CNTN6: variants seen among roughly 807,000 people sequenced by gnomAD.
CNTN6 encodes the protein contactin 6, also known as contactin-6.
A neutral mutation model predicts 122.8 loss-of-function variants in CNTN6; 137 were observed. The observed-to-expected ratio is 1.12, with a 90% CI of 0.97 to 1.29. CNTN6 has a LOEUF of 1.29. CNTN6 is among the 50% of genes most tolerant of loss of function. The pLI is 0.00. For missense variants in CNTN6, 1,634 were observed against 1,223.4 expected (o/e 1.34, Z -5.01); for synonymous variants, 570 against 426.0 (o/e 1.34, Z -4.16).
rs772031522 is a variant in CNTN6, at chr3:1,385,610, G to A, written c.2518-1G>A. The A allele has an allele frequency of 2.0e-5, 32 of 1,597,382 alleles. No individual in the cohort carries two copies. The Admixed American group carries it at 5.4e-4, about 27-fold the overall frequency. ...TGCTTGTTTTGGTTTTTAATTATCAGGTCTTATACTGGACAGATGACTCCA... is the reference window on the plus strand; with the variant it reads ...TGCTTGTTTTGGTTTTTAATTATCAAGTCTTATACTGGACAGATGACTCCA... On this transcript the variant is annotated splice_acceptor_variant, in intron 19 of 22. Transcript: ENST00000446702. LOFTEE classifies it high-confidence loss of function.
At chr3:1,329,115 ATGTG>A (rs529330536) in intron 10 of CNTN6, among the ~76,000 whole-genome samples, 2 of 151,224 alleles carry the variant, frequency 1.3e-5, no homozygotes, top group South Asian at 2.1e-4. Context: ...ATATATGTAT[ATGTG>A]TGTGTGTTTC....
intron 11 of CNTN6, among the ~76,000 whole-genome samples, chr3:1,345,753 C>T (rs893617004): frequency 3.3e-5 from 5 of 151,958 alleles, no homozygotes; most frequent in African/African-American, 4.8e-5. Context: ...AAATTGTGAA[C>T]AGGAAGAATT....
At chr3:1,232,090 T>C (rs1187696897) in intron 4 of CNTN6, among the ~76,000 whole-genome samples, 2 of 152,230 alleles carry the variant, frequency 1.3e-5, no homozygotes, top group Non-Finnish European at 2.9e-5. Context: ...GATAGGTGTT[T>C]TGAAAGAAAC....
chr3:1,281,446 G>C (rs17495909), intron 5 of CNTN6, among the ~76,000 whole-genome samples: 4,225 of 149,570 alleles, frequency 0.028, 83 homozygotes, highest in Middle Eastern at 0.056. Context: ...CACAGAGATA[G>C]AAGGCCATAA....
intron 2 of CNTN6, among the ~76,000 whole-genome samples, chr3:1,156,274 C>T (rs144236038): frequency 1.3e-4 from 20 of 152,294 alleles, no homozygotes; most frequent in East Asian, 3.9e-4. Flanking sequence ...CTGATTAATC[C>T]TCCCAGTAAC....
chr3:1,106,292 C>G (rs2091217718), intron 1 of CNTN6, among the ~76,000 whole-genome samples: 1 of 152,074 alleles, frequency 6.6e-6, no homozygotes, highest in African/African-American at 2.4e-5. Flanking sequence ...ACTTGCTTTT[C>G]CAGATAGTCA....
chr3:1,211,735 G>T (rs1344595592), intron 2 of CNTN6, among the ~76,000 whole-genome samples: 1 of 151,810 alleles, frequency 6.6e-6, no homozygotes, highest in East Asian at 1.9e-4. Context: ...TATGGACGAT[G>T]GATATTATAA....
chr3:1,192,523 G>A (rs2093716852), intron 2 of CNTN6, among the ~76,000 whole-genome samples: 2 of 152,254 alleles, frequency 1.3e-5, no homozygotes, highest in South Asian at 4.1e-4. Flanking sequence ...AATGGACCCT[G>A]TGCTCATTGA....
intron 21 of CNTN6, 26 bp from the exon 22 acceptor site, chr3:1,402,292 T>G (rs770325291): frequency 1.3e-6 from 2 of 1,588,406 alleles, no homozygotes; most frequent in East Asian, 4.5e-5. Flanking sequence ...CATGTCCATG[T>G]TAACTTGATA....
intron 20 of CNTN6, among the ~76,000 whole-genome samples, chr3:1,395,784 A>T (rs957350862): frequency 6.6e-6 from 1 of 152,284 alleles, no homozygotes; most frequent in Admixed American, 6.5e-5. Context: ...GAGCACTTCT[A>T]TGTCCCCAGC....
intron 7 of CNTN6, among the ~76,000 whole-genome samples, chr3:1,308,042 C>G (rs1295713252): frequency 6.6e-6 from 1 of 152,074 alleles, no homozygotes; most frequent in Non-Finnish European, 1.5e-5. Flanking sequence ...GCTTCACCTT[C>G]TGCAGAATAA....
intron 4 of CNTN6, among the ~76,000 whole-genome samples, chr3:1,260,477 A>G (rs1460470597): frequency 6.6e-6 from 1 of 152,104 alleles, no homozygotes; most frequent in Non-Finnish European, 1.5e-5. Context: ...TTCTCTGCCT[A>G]TCTTTGACAT....
chr3:1,344,807 T>C (rs577536803), intron 11 of CNTN6, among the ~76,000 whole-genome samples: 17 of 152,306 alleles, frequency 1.1e-4, no homozygotes, highest in African/African-American at 3.1e-4. Flanking sequence ...TTTTTTGATA[T>C]GTGTTTCCTC....
intron 4 of CNTN6, among the ~76,000 whole-genome samples, chr3:1,257,190 G>C (rs1317293392): frequency 6.6e-6 from 1 of 151,858 alleles, no homozygotes; most frequent in South Asian, 2.1e-4. Context: ...TCCTAAATTG[G>C]GTCTTTGCCT....
intron 7 of CNTN6, among the ~76,000 whole-genome samples, chr3:1,313,385 C>G (rs1699662608): frequency 6.6e-6 from 1 of 152,028 alleles, no homozygotes; most frequent in African/African-American, 2.4e-5. Flanking sequence ...TTTCATGTCT[C>G]TGTTCATAAT....
At chr3:1,335,519 G>C (rs1702926237) in intron 11 of CNTN6, among the ~76,000 whole-genome samples, 1 of 152,082 alleles carries the variant, frequency 6.6e-6, no homozygotes, top group South Asian at 2.1e-4. Flanking sequence ...TATGCCCAGT[G>C]ACTGCTGTCT....
At chr3:1,235,732 A>C (rs1265000134) in intron 4 of CNTN6, among the ~76,000 whole-genome samples, 1 of 152,128 alleles carries the variant, frequency 6.6e-6, no homozygotes, top group Non-Finnish European at 1.5e-5. Context: ...GAACTGGATC[A>C]CCGCTGCAGG....
intron 2 of CNTN6, among the ~76,000 whole-genome samples, chr3:1,198,650 A>G (rs2093813587): frequency 6.6e-6 from 1 of 151,838 alleles, no homozygotes; most frequent in Admixed American, 6.6e-5. Flanking sequence ...TGAGCCCGGG[A>G]GATGGAGTTT....
At chr3:1,353,362 A>G (rs1410762531) in intron 12 of CNTN6, among the ~76,000 whole-genome samples, 1 of 151,730 alleles carries the variant, frequency 6.6e-6, no homozygotes, top group Non-Finnish European at 1.5e-5. Context: ...CCTTTAAAAT[A>G]TCTCAAGGAA....
Sources: allele counts gnomAD v4.1 joint callset (sites outside exome capture counted in the v4.1 genomes callset), GRCh38; gene constraint gnomAD v4.1.1; transcripts MANE v1.5; gene names NCBI Gene and HGNC (gene_info 2026-07-23, HGNC 2026-07-21).